The following NCAPG2 variants were observed in gnomAD, a reference collection of about 807,000 sequenced individuals.
The protein encoded by NCAPG2 is non-SMC condensin II complex subunit G2.
Under a neutral mutation model 141.1 loss-of-function variants are expected in NCAPG2, and 53 were observed. That is an observed-to-expected ratio of 0.38 (90% CI 0.30 to 0.47). NCAPG2 has a LOEUF of 0.47. Among genes scored for constraint, NCAPG2 ranks in the 20% least tolerant of loss-of-function variants. The pLI is 0.99. For missense variants in NCAPG2, 1,087 were observed against 1,389.0 expected (o/e 0.78, Z 3.46); for synonymous variants, 499 against 490.7 (o/e 1.02, Z -0.22).
chr7:158,662,243 G>T lies in NCAPG2; in HGVS notation c.1940C>A (p.Thr647Lys). 6.2e-7 allele frequency: 1 copy of T among 1,609,340 alleles called. No individual in the cohort carries two copies. Residue 647 changes from threonine (T) to lysine (K), a missense_variant, in exon 16 of 28, where the codon ACG becomes AAG. Physicochemically the swap from Thr to Lys is moderately conservative, Grantham distance 78. Transcript: ENST00000356309. ...AAGCACAGAGGCAAACTTGTTAATCGTGTAAAGTTTGGCCTCTTTATTATT... is the reference window on the plus strand; with the variant it reads ...AAGCACAGAGGCAAACTTGTTAATCTTGTAAAGTTTGGCCTCTTTATTATT... Reference protein sequence around the residue: ...MENNKEAKLYTINKFASVLPE... With the variant: ...MENNKEAKLYKINKFASVLPE...
rs1003413803 is a variant in NCAPG2, at chr7:158,667,221, T to C, written c.1480-2471A>G. 2.8e-5 allele frequency: 28 copies of C among 985,428 alleles called. No individual in the cohort carries two copies. In the African/African-American group the frequency reaches 4.9e-4, roughly 17 times the overall value. The allele number at this position is 985,428 out of a possible 1,614,324, so 61.0% of individuals were successfully genotyped here. ...AAACGCAAACGTTCTGCCTTCTTCC[T>C]CTGCTCTGGCGCCCAAACTTCCTGG... On this transcript the variant is annotated intron_variant, in intron 13 of 27. Coordinates refer to ENST00000356309, the MANE Select transcript of NCAPG2 (RefSeq NM_017760.7).
At chr7:158,655,746 G>GCACGCA (rs1563517461) in intron 19 of NCAPG2, among the ~76,000 whole-genome samples, 92 of 12,936 alleles carry the variant, frequency 7.1e-3, no homozygotes, top group East Asian at 0.017. Flanking sequence ...CCATCTGCCT[G>GCACGCA]GCTCCACTCT....
chr7:158,656,782 CA>C (rs1832013965), intron 17 of NCAPG2, 77 bp from the exon 18 acceptor site: 25 of 1,515,610 alleles, frequency 1.6e-5, no homozygotes, highest in Non-Finnish European at 2.2e-5. Context: ...TGAGGAAAAC[CA>C]AGAAGCTAAA....
intron 27 of NCAPG2, among the ~76,000 whole-genome samples, chr7:158,636,713 T>C (rs903997565): frequency 1.3e-5 from 2 of 152,176 alleles, no homozygotes; most frequent in African/African-American, 4.8e-5. Context: ...ACATTATTTC[T>C]AATAAAGAAA....
chr7:158,644,349 G>C lies in NCAPG2; in HGVS notation c.3320C>G (p.Thr1107Ser). 6.2e-7 allele frequency: 1 copy of C among 1,614,088 alleles called. No homozygotes were observed. The highest frequency in any genetic ancestry group is 2.2e-5 in the East Asian group (1 of 44,858). The change falls in exon 27 of 28, where the codon ACT becomes AGT. Residue 1107 changes from threonine (T) to serine (S), a missense_variant. Transcript: ENST00000356309. ...GAATGTCTTTAGTTTTCTGTGAACA[G>C]TGGCTGCAACCTCCCTCACTTTTGA... is the stretch of plus-strand genomic sequence containing the variant. ...KSSKVREVAA[T>S]VHRKLKTFME...
At chr7:158,656,845 A>G in intron 17 of NCAPG2, 140 bp from the exon 18 acceptor site, 1 of 999,690 alleles carries the variant, frequency 1.0e-6, no homozygotes, top group Non-Finnish European at 1.4e-6. Context: ...CATGCTCTCC[A>G]ATGCAGGAAT....
At chr7:158,651,010 A>C (rs1430498794) in intron 23 of NCAPG2, 38 bp from the exon 24 acceptor site, 1 of 1,534,734 alleles carries the variant, frequency 6.5e-7, no homozygotes, top group Admixed American at 2.3e-5. Context: ...AATGACTAAA[A>C]ACCATGGTTT....
chr7:158,680,604 GCATT>G, intron 10 of NCAPG2, 113 bp downstream of exon 10: 2 of 567,324 alleles, frequency 3.5e-6, no homozygotes, highest in South Asian at 1.2e-4. Context: ...ATTTCAGAAA[GCATT>G]CAGTCTTCAG....
At chr7:158,663,153 C>T (rs188584959) in intron 15 of NCAPG2, among the ~76,000 whole-genome samples, 14 of 152,340 alleles carry the variant, frequency 9.2e-5, no homozygotes, top group African/African-American at 3.4e-4. Context: ...GCCAGACCCA[C>T]CAACAATCCC....
chr7:158,671,098 TG>T (rs1454991280), intron 13 of NCAPG2, among the ~76,000 whole-genome samples: 2 of 25,738 alleles, frequency 7.8e-5, no homozygotes, highest in Non-Finnish European at 1.5e-4. Context: ...GGGGTGGGGG[TG>T]GGGGGTGGCT....
In NCAPG2 at chr7:158,631,532, C is replaced by T; in HGVS notation, c.*134G>A. 1.1e-6 allele frequency: 1 copy of T among 876,484 alleles called. No homozygotes were observed. The highest frequency in any genetic ancestry group is 2.4e-5 in the East Asian group (1 of 41,122). 54.3% of individuals were successfully genotyped at this position (876,484 alleles called of 1,614,324 possible). Reference sequence around the variant, plus strand: ...ATCTCCTCCATAACCCCCACCTTCCCACATTCCCACAAAAAAATCCCACCC... The same window carrying T: ...ATCTCCTCCATAACCCCCACCTTCCTACATTCCCACAAAAAAATCCCACCC... On this transcript the variant is annotated 3_prime_UTR_variant, in exon 28 of 28. Transcript: ENST00000356309.
At position 158,645,630 on chromosome 7, in the gene NCAPG2, AT is replaced by A; in HGVS notation, c.3180-12del. On this transcript the variant is annotated splice_polypyrimidine_tract_variant and intron_variant, in intron 25 of 27. Transcript: ENST00000356309. ...TCATCCAAAAATGACCTGCAAAAAAATCAACAAACATCAAAATTACTGTATC... is the reference window on the plus strand; with the variant it reads ...TCATCCAAAAATGACCTGCAAAAAAACAACAAACATCAAAATTACTGTATC... 3.7e-6 allele frequency: 6 copies of A among 1,604,726 alleles called. No homozygotes were observed. Among genetic ancestry groups the A allele is most frequent in the Non-Finnish European group, 5.1e-6 (6 of 1,171,526 alleles).
In NCAPG2 at chr7:158,692,813, A is replaced by G. The variant is rs555186856; in HGVS notation, c.382+29T>C. On this transcript the variant is annotated intron_variant, in intron 4 of 27. Coordinates refer to ENST00000356309, the MANE Select transcript of NCAPG2 (RefSeq NM_017760.7). ...CAAGTATTTCAACACCCACTTCTAA[A>G]TATGCCATTTATAACAAAATCAACT... 1.7e-5 allele frequency: 22 copies of G among 1,258,658 alleles called. No individual in the cohort carries two copies. In the East Asian group the frequency reaches 1.9e-4, roughly 11 times the overall value. 78.0% of individuals were successfully genotyped at this position (1,258,658 alleles called of 1,614,324 possible).
At chr7:158,668,565 G>T in intron 13 of NCAPG2, 5 of 485,386 alleles carry the variant, frequency 1.0e-5, no homozygotes, top group Non-Finnish European at 1.1e-5. Context: ...CCTGGATACA[G>T]TTTAGATAAA....
intron 1 of NCAPG2, among the ~76,000 whole-genome samples, chr7:158,703,161 C>T (rs984832942): frequency 1.3e-5 from 2 of 152,154 alleles, no homozygotes; most frequent in Non-Finnish European, 2.9e-5. Context: ...ATGAAATTGC[C>T]TAACGACAAC....
intron 17 of NCAPG2, among the ~76,000 whole-genome samples, chr7:158,658,032 C>T (rs536749449): frequency 0.025 from 3,841 of 151,884 alleles, 153 homozygotes; most frequent in African/African-American, 0.087. Context: ...CCGCAGGGTC[C>T]TCTGCCTAGG....
At chr7:158,685,451 T>C (rs1046343744) in intron 8 of NCAPG2, among the ~76,000 whole-genome samples, 8 of 152,210 alleles carry the variant, frequency 5.3e-5, no homozygotes, top group African/African-American at 9.6e-5. Context: ...TTGGTATCCA[T>C]GGGGGATCAG....
intron 3 of NCAPG2, 121 bp downstream of exon 3, chr7:158,693,187 TA>T: frequency 8.9e-7 from 1 of 1,128,300 alleles, no homozygotes; most frequent in Non-Finnish European, 1.3e-6. Context: ...ACTAAACTTC[TA>T]AAATTCTTGA....
At chr7:158,687,553 A>G in intron 6 of NCAPG2, 111 bp from the exon 7 acceptor site, 1 of 747,098 alleles carries the variant, frequency 1.3e-6, no homozygotes. Flanking sequence ...GCTAAAAACG[A>G]GGCACATGTA....
Sources: gnomAD v4.1 joint callset for allele counts (sites outside exome capture counted in the v4.1 genomes callset) on GRCh38, gnomAD v4.1.1 for gene constraint, MANE v1.5 for transcripts, NCBI Gene and HGNC (gene_info 2026-07-23, HGNC 2026-07-21) for gene names.